The following PHYKPL variants were observed in gnomAD, a reference collection of about 807,000 sequenced individuals.
PHYKPL encodes the protein 5-phosphonooxy-L-lysine phospho-lyase.
A neutral mutation model predicts 51.3 loss-of-function variants in PHYKPL; 42 were observed. The observed-to-expected ratio is 0.82, with a 90% CI of 0.64 to 1.06. PHYKPL has a LOEUF of 1.06. Ranked by LOEUF, PHYKPL falls within the 50% of genes least tolerant of loss-of-function variation. PHYKPL has a pLI of 0.00. For synonymous variants in PHYKPL, 264 were observed against 236.0 expected (o/e 1.12, Z -1.09); for missense variants, 655 against 586.6 (o/e 1.12, Z -1.20).
chr5:178,213,303 C>A lies in PHYKPL; in HGVS notation c.1173-200G>T, dbSNP rs115493942. On this transcript the variant is annotated intron_variant, in intron 10 of 12. Transcript: ENST00000308158. ...CTGCTTGGAGTGCACTGCACCTGGC[C>A]CTGAGCCTGCTGCCCCACAGAACAG... Among the ~76,000 whole-genome samples the A allele has an allele frequency of 4.8e-3, 729 of 152,308 alleles. 8 individuals carry two copies. The highest frequency in any genetic ancestry group is 0.017 in the African/African-American group (701 of 41,566).
At chr5:178,222,332 C>T (rs1325999015) in intron 8 of PHYKPL, 23 bp downstream of exon 8, 1 of 1,593,686 alleles carries the variant, frequency 6.3e-7, no homozygotes, top group East Asian at 2.2e-5. Context: ...ATGTTGCTCC[C>T]TTGACTTAGA....
chr5:178,208,314 C>T (rs1344953721), downstream of PHYKPL, among the ~76,000 whole-genome samples: 1 of 152,078 alleles, frequency 6.6e-6, no homozygotes, highest in Non-Finnish European at 1.5e-5. Context: ...TTAGGATAGT[C>T]TTAAATTTTC....
chr5:178,228,461 G>T, intron 3 of PHYKPL: 1 of 692,274 alleles, frequency 1.4e-6, no homozygotes, highest in East Asian at 2.7e-5. Context: ...TAAAGCTGGT[G>T]GCATAAGAAT....
intron 10 of PHYKPL, among the ~76,000 whole-genome samples, chr5:178,213,671 G>T (rs1467724355): frequency 6.6e-6 from 1 of 151,980 alleles, no homozygotes; most frequent in Non-Finnish European, 1.5e-5. Context: ...TGAGATGAGG[G>T]GTCTGCATGA....
chr5:178,231,826 G>A (rs1286005855), intron 1 of PHYKPL: 4 of 1,369,084 alleles, frequency 2.9e-6, no homozygotes, highest in Non-Finnish European at 3.9e-6. Context: ...CTGAGAAAAG[G>A]TGGCTGCCCC....
At position 178,222,556 on chromosome 5, in the gene PHYKPL, G is replaced by C. The variant is rs1339625652; in HGVS notation, c.726C>G (p.Val242=). 3 of 1,614,114 alleles carry C rather than the reference G, an allele frequency of 1.9e-6. No homozygotes were observed. The African/African-American group carries it at 4.0e-5, about 22-fold the overall frequency. ...VAEHIRKAGG[V]FVADEIQVGF... ...CAACCTGGATCTCATCTGCAACAAA[G>C]ACCCCTCCGGCCTTGCGGATGTGCC... Residue 242 remains valine (V), a synonymous_variant, in exon 8 of 13, where the codon GTC becomes GTG. Coordinates refer to ENST00000308158, the MANE Select transcript of PHYKPL (RefSeq NM_153373.4).
intron 4 of PHYKPL, chr5:178,225,146 G>T (rs2113949688): frequency 3.3e-6 from 2 of 605,596 alleles, no homozygotes; most frequent in Non-Finnish European, 5.8e-6. Context: ...AGCGCACTCT[G>T]CTCCCCAGAG....
At chr5:178,210,831 T>C (rs943269075) in intron 12 of PHYKPL, 23 of 589,270 alleles carry the variant, frequency 3.9e-5, no homozygotes, top group Non-Finnish European at 6.7e-5. Flanking sequence ...TGAGAGGCCA[T>C]AGCGCCATCA....
chr5:178,232,461 G>GCC (rs949749471), intron 1 of PHYKPL, 31 bp downstream of exon 1: 4 of 1,355,876 alleles, frequency 3.0e-6, no homozygotes, highest in African/African-American at 3.1e-5. Context: ...GCAGCCCCGC[G>GCC]CCCCCCGCCG....
chr5:178,231,952 C>T, intron 1 of PHYKPL: 1 of 1,244,878 alleles, frequency 8.0e-7, no homozygotes, highest in Non-Finnish European at 1.0e-6. Context: ...GGCCCTGCTG[C>T]CCCTCGCTGG....
chr5:178,232,310 A>T, intron 1 of PHYKPL, 182 bp downstream of exon 1: 1 of 1,262,052 alleles, frequency 7.9e-7, no homozygotes, highest in Non-Finnish European at 9.9e-7. Context: ...GGACTGCCCA[A>T]CGGCGCCGCC....
intron 3 of PHYKPL, among the ~76,000 whole-genome samples, chr5:178,229,219 C>T (rs902689042): frequency 6.6e-6 from 1 of 152,010 alleles, no homozygotes; most frequent in African/African-American, 2.4e-5. Context: ...GATTCTCCTG[C>T]CCCAGCCTCC....
intron 1 of PHYKPL, chr5:178,231,932 C>A: frequency 1.6e-6 from 2 of 1,273,050 alleles, no homozygotes; most frequent in South Asian, 1.3e-5. Context: ...CAGCTCCTTG[C>A]CAGCCACGTG....
At position 178,213,181 on chromosome 5, in the gene PHYKPL, A is replaced by G. The variant is rs1022444746; in HGVS notation, c.1173-78T>C. 7 of 1,569,188 alleles carry G rather than the reference A, an allele frequency of 4.5e-6. No homozygotes were observed. In the African/African-American group the frequency reaches 6.7e-5, roughly 15 times the overall value. On this transcript the variant is annotated intron_variant, in intron 10 of 12. Transcript: ENST00000308158. ...GCCTTGGCCTCATGTCCAGTGCTCCAGCCACACTGTCCTCAGAGCCTTCCA... is the reference window on the plus strand; with the variant it reads ...GCCTTGGCCTCATGTCCAGTGCTCCGGCCACACTGTCCTCAGAGCCTTCCA...
chr5:178,231,273 C>T, intron 2 of PHYKPL, 132 bp downstream of exon 2: 1 of 1,449,056 alleles, frequency 6.9e-7, no homozygotes, highest in Admixed American at 1.8e-5. Flanking sequence ...GGCTGAGCCT[C>T]CTCTGCATAC....
At position 178,225,089 on chromosome 5, in the gene PHYKPL, G is replaced by A. The variant is rs866473235; in HGVS notation, c.413+266C>T. ...ATTCATGGGAGCTACTGCTGGAGTA[G>A]TTTGAACATGTACAATGTTGTGGGA... On this transcript the variant is annotated intron_variant, in intron 4 of 12. Coordinates refer to ENST00000308158, the MANE Select transcript of PHYKPL (RefSeq NM_153373.4). 29 of 571,756 alleles carry A rather than the reference G, an allele frequency of 5.1e-5. No individual in the cohort carries two copies. In the Middle Eastern group the frequency reaches 2.3e-3, roughly 45 times the overall value. 35.4% of individuals were successfully genotyped at this position (571,756 alleles called of 1,614,324 possible).
chr5:178,227,971 C>T (rs1054393881), intron 3 of PHYKPL, among the ~76,000 whole-genome samples: 6 of 152,074 alleles, frequency 3.9e-5, no homozygotes, highest in East Asian at 3.9e-4. Context: ...GCAAGATGAG[C>T]GGGGGTGAGT....
At chr5:178,227,006 C>G (rs1402833191) in intron 3 of PHYKPL, among the ~76,000 whole-genome samples, 5 of 152,106 alleles carry the variant, frequency 3.3e-5, no homozygotes, top group African/African-American at 1.2e-4. Flanking sequence ...TTTCTAAGTG[C>G]TACGATGGAT....
intron 12 of PHYKPL, chr5:178,210,792 C>G: frequency 1.6e-6 from 1 of 639,444 alleles, no homozygotes; most frequent in Non-Finnish European, 2.8e-6. Flanking sequence ...ATTTCCAGAG[C>G]TCTAGGTGTT....
Sources: allele counts gnomAD v4.1 joint callset (sites outside exome capture counted in the v4.1 genomes callset), GRCh38; gene constraint gnomAD v4.1.1; transcripts MANE v1.5; gene names NCBI Gene and HGNC (gene_info 2026-07-23, HGNC 2026-07-21).